Variants in ACTR3C observed in about 807,000 individuals in gnomAD.
The protein encoded by ACTR3C is actin related protein 3C, also known as actin-related protein 3C.
A neutral mutation model predicts 26.3 loss-of-function variants in ACTR3C; 18 were observed. That is an observed-to-expected ratio of 0.68 (90% confidence interval 0.47 to 1.01). ACTR3C has a LOEUF of 1.01. ACTR3C is among the 50% of genes least tolerant of loss of function. The pLI, the probability that ACTR3C is intolerant of heterozygous loss-of-function variation, is 0.00. For missense variants in ACTR3C, 184 were observed against 250.7 expected (o/e 0.73, Z 1.80); for synonymous variants, 55 against 94.5 (o/e 0.58, Z 2.42).
the ACTR3C span, chr7:150,047,661 T>G: frequency 9.8e-7 from 1 of 1,016,536 alleles, no homozygotes; most frequent in Non-Finnish European, 1.2e-6. Flanking sequence ...GGGCCGGCCA[T>G]CCGCGCCGCC....
the ACTR3C span, among the ~76,000 whole-genome samples, chr7:149,964,103 C>G: frequency 6.6e-6 from 1 of 152,076 alleles, no homozygotes; most frequent in East Asian, 1.9e-4. Flanking sequence ...AAAGAGAATA[C>G]TATTGACCAA....
At chr7:150,223,632 G>A in the ACTR3C span, among the ~76,000 whole-genome samples, 1 of 151,814 alleles carries the variant, frequency 6.6e-6, no homozygotes, top group Admixed American at 6.6e-5. Flanking sequence ...CCCATCATAA[G>A]TCCAGATGTT....
chr7:150,033,743 C>T, the ACTR3C span, among the ~76,000 whole-genome samples: 2 of 149,878 alleles, frequency 1.3e-5, no homozygotes, highest in African/African-American at 2.5e-5. Flanking sequence ...AGCTCTCAGT[C>T]CCCACCCTCG....
chr7:150,048,074 C>A, the ACTR3C span, among the ~76,000 whole-genome samples: 3 of 152,136 alleles, frequency 2.0e-5, no homozygotes, highest in Non-Finnish European at 2.9e-5. Flanking sequence ...CCCTCCCCGG[C>A]GGCTCGCGAA....
At chr7:150,263,594 C>T (rs1833815239) in intron 6 of ACTR3C, among the ~76,000 whole-genome samples, 1 of 152,008 alleles carries the variant, frequency 6.6e-6, no homozygotes, top group Admixed American at 6.5e-5. Flanking sequence ...AGGGAATTGT[C>T]TATGATTGTT....
intron 1 of ACTR3C, among the ~76,000 whole-genome samples, chr7:150,308,476 G>A (rs1795995707): frequency 6.6e-6 from 1 of 152,112 alleles, no homozygotes. Flanking sequence ...ATGGTCTGAG[G>A]TGCCTTACGT....
At chr7:150,053,014 T>C in the ACTR3C span, among the ~76,000 whole-genome samples, 1 of 90,808 alleles carries the variant, frequency 1.1e-5, no homozygotes, top group Admixed American at 1.2e-4. Context: ...AAATCTTGCC[T>C]TGTGCTACCA....
At chr7:150,035,421 A>T in the ACTR3C span, among the ~76,000 whole-genome samples, 11 of 24,118 alleles carry the variant, frequency 4.6e-4, 1 homozygote, top group Admixed American at 8.6e-4. Flanking sequence ...GGGAAGAGGG[A>T]CTGGCTCTCA....
chr7:150,229,620 G>T, the ACTR3C span, among the ~76,000 whole-genome samples: 1 of 151,540 alleles, frequency 6.6e-6, no homozygotes, highest in Non-Finnish European at 1.5e-5. Context: ...GAGTAGCTGG[G>T]ACTACAGGCG....
At chr7:150,118,133 C>A in the ACTR3C span, among the ~76,000 whole-genome samples, 2 of 152,144 alleles carry the variant, frequency 1.3e-5, no homozygotes, top group African/African-American at 2.4e-5. Context: ...GGAGGAAAAA[C>A]CAGCGCGAAA....
At chr7:149,974,674 G>A in the ACTR3C span, among the ~76,000 whole-genome samples, 1,057 of 152,238 alleles carry the variant, frequency 6.9e-3, 6 homozygotes, top group Non-Finnish European at 0.011. Context: ...CTCCCATAAG[G>A]TAATTACTGT....
chr7:150,038,093 C>A, the ACTR3C span, among the ~76,000 whole-genome samples: 5,665 of 140,766 alleles, frequency 0.04, 1,053 homozygotes, highest in African/African-American at 0.14. Context: ...TGCCTCCCCC[C>A]CTGTGATGGG....
At chr7:150,023,168 G>GAT in the ACTR3C span, among the ~76,000 whole-genome samples, 1 of 73,788 alleles carries the variant, frequency 1.4e-5, no homozygotes, top group Non-Finnish European at 3.3e-5. Flanking sequence ...TATCTATATA[G>GAT]ATATATAGAT....
the ACTR3C span, among the ~76,000 whole-genome samples, chr7:150,039,733 C>T: frequency 2.9e-5 from 4 of 136,538 alleles, no homozygotes; most frequent in South Asian, 4.9e-4. Flanking sequence ...TCCCCACCCT[C>T]GCGGGGGGTG....
chr7:150,199,054 A>C, the ACTR3C span, among the ~76,000 whole-genome samples: 1 of 129,298 alleles, frequency 7.7e-6, no homozygotes, highest in Admixed American at 7.3e-5. Context: ...GGCCGCCCCT[A>C]CTGGGAAGTG....
chr7:149,984,585 T>C, the ACTR3C span, among the ~76,000 whole-genome samples: 4 of 151,214 alleles, frequency 2.6e-5, no homozygotes, highest in South Asian at 6.3e-4. Context: ...GATAATGTAA[T>C]AGTTGATCTA....
chr7:149,903,713 T>C, the ACTR3C span, among the ~76,000 whole-genome samples: 9 of 150,808 alleles, frequency 6.0e-5, no homozygotes, highest in African/African-American at 2.2e-4. Flanking sequence ...AGCTAATTTA[T>C]TTTTATTTCT....
chr7:149,921,298 T>C, the ACTR3C span, among the ~76,000 whole-genome samples: 149,669 of 152,204 alleles, frequency 0.98, 73,602 homozygotes, highest in East Asian at 1. Flanking sequence ...TCCATCTTCT[T>C]TCTAATCACC....
chr7:150,088,954 G>A, the ACTR3C span, among the ~76,000 whole-genome samples: 13 of 151,976 alleles, frequency 8.6e-5, no homozygotes, highest in African/African-American at 2.9e-4. Flanking sequence ...TTAAAAACTC[G>A]CTTTTTTTGT....
Sources: allele counts gnomAD v4.1 joint callset (sites outside exome capture counted in the v4.1 genomes callset), GRCh38; gene constraint gnomAD v4.1.1; transcripts MANE v1.5; gene names NCBI Gene and HGNC (gene_info 2026-07-23, HGNC 2026-07-21).